TMC8: variants seen among roughly 807,000 people sequenced by gnomAD.
The protein encoded by TMC8 is transmembrane channel-like protein 8.
Under a neutral mutation model 76.0 loss-of-function variants are expected in TMC8, and 71 were observed. That is an observed-to-expected ratio of 0.93 (90% confidence interval 0.77 to 1.14). The LOEUF is 1.14. Ranked by LOEUF, TMC8 falls within the 50% of genes most tolerant of loss-of-function variation. TMC8 has a pLI of 0.00. For synonymous variants in TMC8, 433 were observed against 433.8 expected (o/e 1.00, Z 0.02); for missense variants, 924 against 947.9 (o/e 0.97, Z 0.33).
At chr17:78,131,850 T>C (rs1486084586) in intron 2 of TMC8, 32 bp from the exon 3 acceptor site, 9 of 1,470,602 alleles carry the variant, frequency 6.1e-6, no homozygotes, top group Non-Finnish European at 7.2e-6. Context: ...GGCGGGTGAC[T>C]CAGGGGCGCC....
Position 78,131,708 on chromosome 17 carries a change from C to G in TMC8, c.120C>G (p.Pro40=). 1.3e-6 allele frequency: 2 copies of G among 1,583,640 alleles called. No homozygotes were observed. Among genetic ancestry groups the G allele is most frequent in the Non-Finnish European group, 1.7e-6 (2 of 1,166,896 alleles). Residue 40 remains proline (P), a synonymous_variant, in exon 2 of 16, where the codon CCC becomes CCG. Transcript: ENST00000318430. ...RGSGTPVRGL[P]YAMMDKRLIW... is the part of the protein sequence containing the mutation. ...CTGGGACGCCCGTGCGCGGGCTGCCCTATGCCATGATGGACAAGCGCCTCA... is the reference window on the plus strand; with the variant it reads ...CTGGGACGCCCGTGCGCGGGCTGCCGTATGCCATGATGGACAAGCGCCTCA...
chr17:78,138,546 C>T, intron 13 of TMC8, 28 bp from the exon 14 acceptor site: 1 of 1,613,670 alleles, frequency 6.2e-7, no homozygotes, highest in Non-Finnish European at 8.5e-7. Flanking sequence ...GACCCTGATG[C>T]CAGCCCCACT....
Position 78,134,564 on chromosome 17 carries a change from G to A in TMC8, c.987G>A (p.Glu329=), listed in dbSNP as rs1377803434. The A allele has an allele frequency of 3.1e-6, 5 of 1,614,084 alleles. No homozygotes were observed. The Admixed American group carries it at 6.7e-5, about 22-fold the overall frequency. Residue 329 remains glutamate, a splice_region_variant and synonymous_variant, in exon 8 of 16, where the codon GAG becomes GAA. Coordinates refer to ENST00000318430, the MANE Select transcript of TMC8 (RefSeq NM_152468.5). ...WATKYSQDNK[E]ESLFLLLQYL... ...CCAAGTACTCACAGGACAACAAGGA[G>A]GTGTCAGGCAACTGCATTCATTTAA...
chr17:78,131,433 C>A lies in TMC8; in HGVS notation c.-156C>A. 9.4e-7 allele frequency: 1 copy of A among 1,067,002 alleles called. No homozygotes were observed. Among genetic ancestry groups the A allele is most frequent in the Non-Finnish European group, 1.4e-6 (1 of 731,012 alleles). The allele number at this position is 1,067,002 out of a possible 1,614,324, so 66.1% of individuals were successfully genotyped here. On this transcript the variant is annotated 5_prime_UTR_variant, in exon 2 of 16. Transcript: ENST00000318430. ...AAGTGAACCCTAGGGCTGCAGGAGC[C>A]CAGGCCCCGACGCCGGCGCAGAGGG...
intron 15 of TMC8, 99 bp downstream of exon 15, chr17:78,139,339 G>T: frequency 7.3e-7 from 1 of 1,368,946 alleles, no homozygotes; most frequent in Admixed American, 1.8e-5. Context: ...GGGTCAGGTG[G>T]GTTCTTCCCA....
intron 8 of TMC8, 60 bp from the exon 9 acceptor site, chr17:78,134,810 G>C (rs1286417950): frequency 6.2e-7 from 1 of 1,608,016 alleles, no homozygotes; most frequent in Non-Finnish European, 8.5e-7. Flanking sequence ...ACTGTGGGGG[G>C]CGGGGAGCAG....
rs1222145664 is a variant in TMC8, at chr17:78,131,619, C to T, written c.31C>T (p.Arg11Trp). ...GCTGCCGCGGTCGGTGTCATCGGAG[C>T]GGGCCCCTGGGGTGCCGGAGCCGGA... MLLPRSVSSE[R>W]APGVPEPEEL... Residue 11 changes from arginine to tryptophan, a missense_variant, in exon 2 of 16, where the codon CGG becomes TGG. Physicochemically the swap from Arg to Trp is moderately radical, Grantham distance 101. Transcript: ENST00000318430. 3 of 1,550,398 alleles carry T rather than the reference C, an allele frequency of 1.9e-6. No homozygotes were observed. Among genetic ancestry groups the T allele is most frequent in the East Asian group, 2.4e-5 (1 of 41,266 alleles).
chr17:78,138,706 C>G lies in TMC8; in HGVS notation c.1797C>G (p.Phe599Leu). 6.2e-7 allele frequency: 1 copy of G among 1,611,038 alleles called. No individual in the cohort carries two copies. The highest frequency in any genetic ancestry group is 8.5e-7 in the Non-Finnish European group (1 of 1,179,998). ...RALHYLGSHA[F>L]SFPLLIMLSL... ...TCCACTACCTGGGCTCCCACGCCTT[C>G]AGCTTCCCCCTCCTCATCATGCTCA... Residue 599 changes from phenylalanine to leucine, a missense_variant, in exon 14 of 16, where the codon TTC becomes TTG. Coordinates refer to ENST00000318430, the MANE Select transcript of TMC8 (RefSeq NM_152468.5).
chr17:78,139,367 A>C, intron 15 of TMC8, 127 bp downstream of exon 15: 3 of 1,027,798 alleles, frequency 2.9e-6, no homozygotes, highest in Non-Finnish European at 4.4e-6. Context: ...GCGTGGCCTC[A>C]GGCTGAGAGT....
chr17:78,133,282 T>G, intron 5 of TMC8, 124 bp from the exon 6 acceptor site: 2 of 1,500,584 alleles, frequency 1.3e-6, no homozygotes, highest in Non-Finnish European at 1.8e-6. Context: ...TGTGGGCCCT[T>G]GTAAGACGGG....
At chr17:78,139,591 T>G (rs1364418887) in intron 15 of TMC8, among the ~76,000 whole-genome samples, 4 of 151,958 alleles carry the variant, frequency 2.6e-5, no homozygotes, top group African/African-American at 9.7e-5. Flanking sequence ...GTAATTAATT[T>G]TTTAAAAGGA....
chr17:78,134,119 G>C, intron 7 of TMC8, 119 bp downstream of exon 7: 2 of 1,461,074 alleles, frequency 1.4e-6, no homozygotes, highest in Non-Finnish European at 1.9e-6. Flanking sequence ...GTGTGTGAGC[G>C]TGTGTGGGAG....
intron 6 of TMC8, 25 bp downstream of exon 6, chr17:78,133,567 C>T (rs200345961): frequency 1.2e-4 from 200 of 1,607,502 alleles, no homozygotes; most frequent in Admixed American, 1.7e-4. Context: ...CACACCTTCA[C>T]CCCTTCCCCA....
In TMC8 at chr17:78,138,191, G is replaced by A. The variant is rs768734718; in HGVS notation, c.1533+3G>A. On this transcript the variant is annotated splice_donor_region_variant and intron_variant, in intron 12 of 15. Coordinates refer to ENST00000318430, the MANE Select transcript of TMC8 (RefSeq NM_152468.5). Reference sequence around the variant, plus strand: ...TCCTCACCTTCTACATCAAGAAGGTGACGGCTCATGGCTGGGGGGTATGGG... The same window carrying A: ...TCCTCACCTTCTACATCAAGAAGGTAACGGCTCATGGCTGGGGGGTATGGG... The A allele has an allele frequency of 3.7e-6, 6 of 1,613,778 alleles. No homozygotes were observed. The highest frequency in any genetic ancestry group is 1.6e-4 in the Middle Eastern group (1 of 6,062).
At chr17:78,139,843 G>C (rs1273132126) in intron 15 of TMC8, among the ~76,000 whole-genome samples, 1 of 151,810 alleles carries the variant, frequency 6.6e-6, no homozygotes, top group Non-Finnish European at 1.5e-5. Context: ...GACCAGCCTG[G>C]CCAACATAGT....
At chr17:78,137,445 C>G (rs1483352408) in intron 10 of TMC8, 87 bp downstream of exon 10, 1 of 1,602,452 alleles carries the variant, frequency 6.2e-7, no homozygotes, top group Non-Finnish European at 8.5e-7. Flanking sequence ...GTTCCTGCCC[C>G]TTTAGTCACC....
intron 9 of TMC8, among the ~76,000 whole-genome samples, chr17:78,135,444 G>A (rs1671411646): frequency 6.6e-6 from 1 of 152,166 alleles, no homozygotes; most frequent in African/African-American, 2.4e-5. Flanking sequence ...CATGAGTGAA[G>A]CGCCCAGCCA....
chr17:78,132,633 C>G (rs1388427486), intron 4 of TMC8, 125 bp downstream of exon 4: 1 of 1,499,054 alleles, frequency 6.7e-7, no homozygotes, highest in Non-Finnish European at 9.1e-7. Context: ...CCGGGGCTCT[C>G]TCTCCCTGAC....
In TMC8 at chr17:78,141,187, G is replaced by A; in HGVS notation, c.*75G>A. On this transcript the variant is annotated 3_prime_UTR_variant, in exon 16 of 16. Coordinates refer to ENST00000318430, the MANE Select transcript of TMC8 (RefSeq NM_152468.5). ...TTACTCCATCTTCCAGACCCCTGGC[G>A]ACCACCGCCCCTCTCAGTGGCTCCA... The A allele has an allele frequency of 1.8e-6, 2 of 1,091,738 alleles. No homozygotes were observed. The highest frequency in any genetic ancestry group is 2.5e-6 in the Non-Finnish European group (2 of 791,182). The allele number at this position is 1,091,738 out of a possible 1,614,324, so 67.6% of individuals were successfully genotyped here. A position where few individuals can be genotyped will look rare whatever the true frequency, so the allele number is the denominator to read the frequency against.
Sources: allele counts gnomAD v4.1 joint callset (sites outside exome capture counted in the v4.1 genomes callset), GRCh38; gene constraint gnomAD v4.1.1; transcripts MANE v1.5; gene names NCBI Gene and HGNC (gene_info 2026-07-23, HGNC 2026-07-21).